The following KALRN variants were observed in gnomAD, a reference collection of about 807,000 sequenced individuals.
KALRN encodes kalirin RhoGEF kinase.
In KALRN, 70 loss-of-function variants were observed where a neutral mutation model predicts 353.7. The ratio of observed to expected loss-of-function variants is 0.20; its 90% CI spans 0.16 to 0.24. The LOEUF is 0.24. Among genes scored for constraint, KALRN ranks in the 10% least tolerant of loss-of-function variants. The pLI is 1.00. For missense variants in KALRN, 2,791 were observed against 3,756.7 expected, an observed-to-expected ratio of 0.74 and a Z score of 6.72; for synonymous variants, 1,391 against 1,434.8, an observed-to-expected ratio of 0.97 and a Z score of 0.69.
chr3:124,288,796 A>G (rs1490980787), intron 5 of KALRN, among the ~76,000 whole-genome samples: 1 of 152,314 alleles, frequency 6.6e-6, no homozygotes, highest in East Asian at 1.9e-4. Flanking sequence ...CAATAATGGA[A>G]GTAAAAGGCA....
chr3:124,227,663 G>GTTTT lies in KALRN; in HGVS notation c.74-288_74-285dup, dbSNP rs747087120. 6.3e-3 allele frequency among the ~76,000 whole-genome samples: 433 copies of GTTTT among 69,250 alleles called. 72 individuals are homozygous for GTTTT. The highest frequency in any genetic ancestry group is 9.4e-3 in the Non-Finnish European group (323 of 34,496). The allele number at this position is 69,250 out of a possible 152,430, so 45.4% of individuals were successfully genotyped here. On this transcript the variant is annotated intron_variant, in intron 1 of 59. Transcript: ENST00000682506. Reference sequence around the variant, plus strand: ...CAAGTTGCTCAATAGCAACAGGGCTGTTTTTTTTTTTTTTTTTTTTTTTTT... The same window carrying GTTTT: ...CAAGTTGCTCAATAGCAACAGGGCTGTTTTTTTTTTTTTTTTTTTTTTTTTTTTT...
intron 1 of KALRN, among the ~76,000 whole-genome samples, chr3:124,126,126 ATGTC>A (rs1273040089): frequency 6.6e-6 from 1 of 152,118 alleles, no homozygotes; most frequent in Admixed American, 6.6e-5. Context: ...GGTTTTGTGA[ATGTC>A]TGGCCAAGAA....
At position 124,298,859 on chromosome 3, in the gene KALRN, C is replaced by T. The variant is rs1170980234; in HGVS notation, c.1038C>T (p.Tyr346=). The part of the protein sequence containing the change: ...LQSHTEIGVS[Y]QYALDLQTQH... ...GCCACACGGAGATCGGAGTCAGCTA[C>T]CAGTACGCCCTTGACCTCCAGACGC... The change falls in exon 6 of 60, where the codon TAC becomes TAT. Residue 346 remains tyrosine (Y), a synonymous_variant. Coordinates refer to ENST00000682506, the MANE Select transcript of KALRN (RefSeq NM_001388419.1). 2 of 1,614,060 alleles carry T rather than the reference C, an allele frequency of 1.2e-6. No individual in the cohort carries two copies. The highest frequency in any genetic ancestry group is 2.2e-5 in the East Asian group (1 of 44,898).
intron 14 of KALRN, among the ~76,000 whole-genome samples, chr3:124,416,616 A>G (rs2092512324): frequency 6.6e-6 from 1 of 152,214 alleles, no homozygotes; most frequent in South Asian, 2.1e-4. Context: ...CTGGTTCTGC[A>G]GGGGAGGCAT....
intron 1 of KALRN, among the ~76,000 whole-genome samples, chr3:124,083,843 A>G (rs559884380): frequency 6.6e-6 from 1 of 152,228 alleles, no homozygotes; most frequent in Non-Finnish European, 1.5e-5. Context: ...TAAGACTGAC[A>G]GAACTTCTGG....
intron 1 of KALRN, among the ~76,000 whole-genome samples, chr3:124,176,230 T>C (rs939814058): frequency 6.6e-6 from 1 of 152,154 alleles, no homozygotes; most frequent in Admixed American, 6.5e-5. Flanking sequence ...GCCTGGATTA[T>C]GTTAGGATCA....
chr3:124,490,331 T>C (rs1415921027), intron 29 of KALRN, among the ~76,000 whole-genome samples: 1 of 152,224 alleles, frequency 6.6e-6, no homozygotes, highest in Non-Finnish European at 1.5e-5. Context: ...CACTCATAGC[T>C]ACAAGTCAGG....
chr3:124,640,587 G>A (rs2081932939), intron 37 of KALRN, among the ~76,000 whole-genome samples: 1 of 152,020 alleles, frequency 6.6e-6, no homozygotes, highest in South Asian at 2.1e-4. Flanking sequence ...CCCAGCCAAT[G>A]CATTCTATTA....
chr3:124,377,841 C>T (rs694852), intron 10 of KALRN, among the ~76,000 whole-genome samples: 67,672 of 151,922 alleles, frequency 0.45, 15,521 homozygotes, highest in East Asian at 0.75. Context: ...CAATCTACTA[C>T]GTCTGATATT....
intron 10 of KALRN, among the ~76,000 whole-genome samples, chr3:124,376,773 T>C (rs2086647374): frequency 6.6e-6 from 1 of 152,098 alleles, no homozygotes; most frequent in Non-Finnish European, 1.5e-5. Context: ...AGTTTTTGGG[T>C]TGAGTGACTA....
At chr3:124,404,458 C>T (rs1040070603) in intron 13 of KALRN, among the ~76,000 whole-genome samples, 3 of 151,892 alleles carry the variant, frequency 2.0e-5, no homozygotes, top group Non-Finnish European at 2.9e-5. Flanking sequence ...TTGGATGTGT[C>T]CTCTTCAGAG....
intron 1 of KALRN, among the ~76,000 whole-genome samples, chr3:124,119,622 C>T (rs1268019594): frequency 6.6e-6 from 1 of 152,184 alleles, no homozygotes; most frequent in Admixed American, 6.5e-5. Flanking sequence ...TCCAGGCTGT[C>T]CCAACATGAG....
At chr3:124,519,214 A>G (rs1430413040) in intron 33 of KALRN, 2 of 976,242 alleles carry the variant, frequency 2.0e-6, no homozygotes, top group Non-Finnish European at 2.4e-6. Context: ...GTGAGAAGAT[A>G]TAAATGAAAA....
intron 6 of KALRN, among the ~76,000 whole-genome samples, chr3:124,325,526 T>C (rs971178777): frequency 3.3e-5 from 5 of 152,158 alleles, no homozygotes; most frequent in African/African-American, 1.2e-4. Flanking sequence ...ACTTCTGCCC[T>C]GTTTGTTGTA....
At chr3:124,500,165 T>G (rs2064344685) in intron 33 of KALRN, among the ~76,000 whole-genome samples, 1 of 152,186 alleles carries the variant, frequency 6.6e-6, no homozygotes, top group Non-Finnish European at 1.5e-5. Context: ...TCCATGCCCT[T>G]TTTTATGGAC....
At chr3:124,564,753 G>A (rs1214698085) in intron 34 of KALRN, among the ~76,000 whole-genome samples, 4 of 152,214 alleles carry the variant, frequency 2.6e-5, no homozygotes, top group Non-Finnish European at 5.9e-5. Flanking sequence ...CTCCAGAGCC[G>A]GTGGGTCCCA....
Position 124,422,990 on chromosome 3 carries a change from C to T in KALRN, c.2709+12C>T, listed in dbSNP as rs2150365429. 1 of 1,611,500 alleles carries T rather than the reference C, an allele frequency of 6.2e-7. No individual in the cohort carries two copies. The highest frequency in any genetic ancestry group is 1.3e-5 in the African/African-American group (1 of 74,972). ...CTGAAGTCAAACAGGTAAGCCCAGC[C>T]CTTCTTCCTTCAGCCTGGGTTTCTC... On this transcript the variant is annotated intron_variant, in intron 15 of 59. Transcript: ENST00000682506.
At chr3:124,303,157 T>G (rs1286102361) in intron 6 of KALRN, among the ~76,000 whole-genome samples, 1 of 152,148 alleles carries the variant, frequency 6.6e-6, no homozygotes, top group Non-Finnish European at 1.5e-5. Context: ...ATACCAAGAG[T>G]GTGGGAGTGA....
At chr3:124,400,404 A>G (rs1489229764) in intron 13 of KALRN, among the ~76,000 whole-genome samples, 2 of 152,238 alleles carry the variant, frequency 1.3e-5, no homozygotes, top group African/African-American at 4.8e-5. Context: ...CTTTCTGGAC[A>G]GGTCCTGGAA....
Sources: allele counts gnomAD v4.1 joint callset (sites outside exome capture counted in the v4.1 genomes callset), GRCh38; gene constraint gnomAD v4.1.1; transcripts MANE v1.5; gene names NCBI Gene and HGNC (gene_info 2026-07-23, HGNC 2026-07-21).